Variants in MAP4K5 observed in about 807,000 individuals in gnomAD.
The protein encoded by MAP4K5 is mitogen-activated protein kinase kinase kinase kinase 5.
MAP4K5 carries 82 observed loss-of-function variants against 135.6 expected under a neutral mutation model. That is an observed-to-expected ratio of 0.60 (90% CI 0.51 to 0.73). MAP4K5 has a LOEUF of 0.73. Among genes scored for constraint, MAP4K5 ranks in the 30% least tolerant of loss-of-function variants. The pLI, the probability that MAP4K5 is intolerant of heterozygous loss-of-function variation, is 0.00. For missense variants in MAP4K5, 907 were observed against 1,010.9 expected (o/e 0.90, Z 1.39); for synonymous variants, 347 against 335.0 (o/e 1.04, Z -0.39).
At chr14:50,534,061 A>G (rs188037617), upstream of MAP4K5, among the ~76,000 whole-genome samples, 2 of 152,340 alleles carry the variant, frequency 1.3e-5, no homozygotes, top group African/African-American at 4.8e-5. Context: ...TCGATGACTC[A>G]AAATCTCTTC....
chr14:50,509,526 A>T (rs1280476827), intron 2 of MAP4K5, among the ~76,000 whole-genome samples: 1 of 152,198 alleles, frequency 6.6e-6, no homozygotes, highest in Non-Finnish European at 1.5e-5. Flanking sequence ...AAGGTGAACT[A>T]TTACACATTT....
Position 50,434,662 on chromosome 14 carries a change from C to T in MAP4K5, c.1987-91G>A, listed in dbSNP as rs187555102. 126 of 1,129,124 alleles carry T rather than the reference C, an allele frequency of 1.1e-4. No individual in the cohort carries two copies. The African/African-American group carries it at 1.7e-3, about 15-fold the overall frequency. 69.9% of individuals were successfully genotyped at this position (1,129,124 alleles called of 1,614,324 possible). A position where few individuals can be genotyped will look rare whatever the true frequency, so the allele number is the denominator to read the frequency against. ...ATAAAGTCAACAGAAAGACTCCTATCTTCTTCATTTATCTAGTTCTAAAAA... is the reference window on the plus strand; with the variant it reads ...ATAAAGTCAACAGAAAGACTCCTATTTTCTTCATTTATCTAGTTCTAAAAA... On this transcript the variant is annotated intron_variant, in intron 27 of 32. Transcript: ENST00000682126.
At chr14:50,510,136 T>C (rs1268842350) in intron 2 of MAP4K5, among the ~76,000 whole-genome samples, 2 of 152,202 alleles carry the variant, frequency 1.3e-5, no homozygotes, top group East Asian at 3.8e-4. Flanking sequence ...CACTGCCACT[T>C]ACTTTGAGGA....
In MAP4K5 at chr14:50,532,041, G is replaced by A. The variant is rs530420372; in HGVS notation, c.9C>T (p.Ala3=). The part of the protein sequence containing the change: ME[A]PLRPAADILR... ...GGATGTCCGCGGCAGGCCGCAGCGG[G>A]GCCTCCATCTTCACTTAGGGCCCGG... The change falls in exon 2 of 33, where the codon GCC becomes GCT. Residue 3 remains alanine, a synonymous_variant. Transcript: ENST00000682126. 3 of 1,566,728 alleles carry A rather than the reference G, an allele frequency of 1.9e-6. No individual in the cohort carries two copies. Among genetic ancestry groups the A allele is most frequent in the Non-Finnish European group, 1.7e-6 (2 of 1,153,726 alleles).
intron 2 of MAP4K5, among the ~76,000 whole-genome samples, chr14:50,513,062 C>T (rs1029565089): frequency 6.6e-6 from 1 of 152,096 alleles, no homozygotes; most frequent in African/African-American, 2.4e-5. Context: ...TAAAACAGTA[C>T]AGTTACAGGT....
intron 6 of MAP4K5, among the ~76,000 whole-genome samples, chr14:50,482,041 A>G (rs1322392120): frequency 6.6e-6 from 1 of 152,212 alleles, no homozygotes; most frequent in Non-Finnish European, 1.5e-5. Flanking sequence ...ACCAATTTAC[A>G]CAACTGAGGG....
chr14:50,486,877 A>C (rs2037373981), intron 3 of MAP4K5, among the ~76,000 whole-genome samples: 1 of 152,168 alleles, frequency 6.6e-6, no homozygotes, highest in African/African-American at 2.4e-5. Flanking sequence ...TCCCTCTCCC[A>C]ACTAAAAAAA....
chr14:50,466,031 G>A (rs763686872), intron 11 of MAP4K5, among the ~76,000 whole-genome samples: 2 of 152,044 alleles, frequency 1.3e-5, no homozygotes, highest in Non-Finnish European at 2.9e-5. Context: ...CCGAGATTGC[G>A]CCACTGTACT....
chr14:50,478,456 T>A (rs1015229666), intron 6 of MAP4K5, among the ~76,000 whole-genome samples: 5 of 152,158 alleles, frequency 3.3e-5, no homozygotes, highest in Non-Finnish European at 5.9e-5. Context: ...CTTTGCATTA[T>A]ATTTGCTCAT....
In MAP4K5 at chr14:50,465,893, T is replaced by G. The variant is rs527735406; in HGVS notation, c.737+690A>C. ...GAGAATGAGACCATCCTGGCCAACA[T>G]GGTGAAACCATCTCTACTAAAAATA... On this transcript the variant is annotated intron_variant, in intron 11 of 32. Coordinates refer to ENST00000682126, the MANE Select transcript of MAP4K5 (RefSeq NM_006575.6). Among the ~76,000 whole-genome samples, 4 of 152,152 alleles carry G rather than the reference T, an allele frequency of 2.6e-5. No homozygotes were observed. In the South Asian group the frequency reaches 8.3e-4, roughly 32 times the overall value.
chr14:50,520,746 T>C (rs1235797889), intron 2 of MAP4K5, among the ~76,000 whole-genome samples: 7 of 151,512 alleles, frequency 4.6e-5, no homozygotes, highest in Admixed American at 2.0e-4. Context: ...GCAGGAAGAA[T>C]ATGCAGCAAC....
chr14:50,531,150 G>T (rs1042896947), intron 2 of MAP4K5, among the ~76,000 whole-genome samples: 1 of 152,194 alleles, frequency 6.6e-6, no homozygotes, highest in Non-Finnish European at 1.5e-5. Context: ...TCTTTCCTCT[G>T]AACCATTCAA....
chr14:50,560,527 G>A (rs889102011), intron 1 of MAP4K5: 5 of 588,414 alleles, frequency 8.5e-6, no homozygotes, highest in Non-Finnish European at 6.0e-6. Context: ...CGCGCAGGCC[G>A]GGCCTCCAGC....
At position 50,444,908 on chromosome 14, in the gene MAP4K5, T is replaced by C. The variant is rs139946835; in HGVS notation, c.1339+133A>G. 4.9e-5 allele frequency: 47 copies of C among 960,412 alleles called. No homozygotes were observed. In the East Asian group the frequency reaches 9.5e-4, roughly 19 times the overall value. The allele number at this position is 960,412 out of a possible 1,614,324, so 59.5% of individuals were successfully genotyped here. A position where few individuals can be genotyped will look rare whatever the true frequency, so the allele number is the denominator to read the frequency against. On this transcript the variant is annotated intron_variant, in intron 18 of 32. Coordinates refer to ENST00000682126, the MANE Select transcript of MAP4K5 (RefSeq NM_006575.6). The stretch of plus-strand genomic sequence containing the variant: ...TACAAAGCTTTAAGCTATAATAGGA[T>C]TGACTAAATAAAAAAGATATTTTTT...
At chr14:50,555,735 C>T (rs1352775875) in intron 1 of MAP4K5, among the ~76,000 whole-genome samples, 4 of 152,116 alleles carry the variant, frequency 2.6e-5, no homozygotes, top group African/African-American at 9.7e-5. Context: ...TCCATGATAC[C>T]ACTGAGCTGA....
chr14:50,470,499 T>C (rs2036932976), intron 9 of MAP4K5, among the ~76,000 whole-genome samples: 1 of 152,158 alleles, frequency 6.6e-6, no homozygotes, highest in African/African-American at 2.4e-5. Context: ...CATTTAACTT[T>C]TATTTAACTG....
At chr14:50,427,987 T>C (rs1048029506) in intron 30 of MAP4K5, among the ~76,000 whole-genome samples, 1 of 152,070 alleles carries the variant, frequency 6.6e-6, no homozygotes, top group African/African-American at 2.4e-5. Context: ...TGGGAAAGAA[T>C]TGGGGGAAGT....
intron 3 of MAP4K5, among the ~76,000 whole-genome samples, chr14:50,488,627 T>C (rs969450186): frequency 7.2e-5 from 11 of 152,142 alleles, no homozygotes; most frequent in African/African-American, 2.4e-4. Flanking sequence ...TACTAACTCT[T>C]GGTAGTAGTT....
chr14:50,443,265 A>G (rs1439705392), intron 20 of MAP4K5, among the ~76,000 whole-genome samples: 2 of 152,312 alleles, frequency 1.3e-5, no homozygotes, highest in East Asian at 3.9e-4. Flanking sequence ...CAATGTATAA[A>G]GCATCCCATT....
Sources: gnomAD v4.1 joint callset for allele counts (sites outside exome capture counted in the v4.1 genomes callset) on GRCh38, gnomAD v4.1.1 for gene constraint, MANE v1.5 for transcripts, NCBI Gene and HGNC (gene_info 2026-07-23, HGNC 2026-07-21) for gene names.